Variants in CCDC191 observed in about 807,000 individuals in gnomAD.
The protein encoded by CCDC191 is coiled-coil domain containing 191.
CCDC191 carries 99 observed loss-of-function variants against 114.0 expected under a neutral mutation model. The ratio of observed to expected loss-of-function variants is 0.87; its 90% CI spans 0.74 to 1.03. CCDC191 has a LOEUF of 1.03. Among genes scored for constraint, CCDC191 ranks in the 50% least tolerant of loss-of-function variants. The pLI is 0.00. For missense variants in CCDC191, 973 were observed against 1,087.0 expected (o/e 0.90, Z 1.47); for synonymous variants, 351 against 376.0 (o/e 0.93, Z 0.77).
intron 13 of CCDC191, among the ~76,000 whole-genome samples, chr3:113,986,255 T>C (rs1415690991): frequency 6.6e-6 from 1 of 151,822 alleles, no homozygotes; most frequent in Non-Finnish European, 1.5e-5. Context: ...AACCTGACAA[T>C]AGGGCAATGG....
chr3:113,993,056 A>T (rs2075619521), intron 13 of CCDC191, among the ~76,000 whole-genome samples: 1 of 152,244 alleles, frequency 6.6e-6, no homozygotes, highest in South Asian at 2.1e-4. Flanking sequence ...GATAAAAGTA[A>T]TATGATCATC....
intron 2 of CCDC191, among the ~76,000 whole-genome samples, chr3:114,050,641 G>C (rs532837838): frequency 6.6e-6 from 1 of 152,288 alleles, no homozygotes; most frequent in Admixed American, 6.5e-5. Context: ...AGGAACACCT[G>C]TCTGATGGAG....
At chr3:114,054,775 T>C (rs765771138) in intron 1 of CCDC191, among the ~76,000 whole-genome samples, 1 of 152,274 alleles carries the variant, frequency 6.6e-6, no homozygotes, top group Non-Finnish European at 1.5e-5. Context: ...AATCTGAAAT[T>C]AGAAGTAAAA....
chr3:114,053,714 A>G, intron 1 of CCDC191, 79 bp from the exon 2 acceptor site: 3 of 896,136 alleles, frequency 3.3e-6, no homozygotes, highest in Non-Finnish European at 5.3e-6. Context: ...CCTTCTGACT[A>G]AAGCATATGG....
At position 114,047,369 on chromosome 3, in the gene CCDC191, C is replaced by T. The variant is rs115131781; in HGVS notation, c.130-637G>A. 3.7e-3 allele frequency among the ~76,000 whole-genome samples: 560 copies of T among 152,232 alleles called. 5 individuals are homozygous for T. Among genetic ancestry groups the T allele is most frequent in the East Asian group, 0.017 (87 of 5,174 alleles). On this transcript the variant is annotated intron_variant, in intron 2 of 16. Transcript: ENST00000295878. Reference sequence around the variant, plus strand: ...TTTATTTACCTGCACAGAATAAAAACGCTTATATTAGGCTGGGTGCAGTGG... The same window carrying T: ...TTTATTTACCTGCACAGAATAAAAATGCTTATATTAGGCTGGGTGCAGTGG...
At chr3:113,991,930 A>G (rs2075580891) in intron 13 of CCDC191, among the ~76,000 whole-genome samples, 1 of 152,222 alleles carries the variant, frequency 6.6e-6, no homozygotes, top group Non-Finnish European at 1.5e-5. Flanking sequence ...AAAATGCAGT[A>G]GTTAGGTACA....
intron 7 of CCDC191, 69 bp downstream of exon 7, chr3:114,031,557 C>T (rs1275233622): frequency 7.8e-7 from 1 of 1,283,466 alleles, no homozygotes; most frequent in African/African-American, 1.5e-5. Context: ...TTATTTTATC[C>T]CATCTCTGAT....
intron 7 of CCDC191, among the ~76,000 whole-genome samples, 186 bp downstream of exon 7, chr3:114,031,440 G>T (rs760055173): frequency 6.6e-6 from 1 of 152,200 alleles, no homozygotes; most frequent in Non-Finnish European, 1.5e-5. Flanking sequence ...AATAGCCTCA[G>T]AACAGGGGAT....
chr3:114,027,768 T>C (rs2076345710), intron 7 of CCDC191, among the ~76,000 whole-genome samples: 1 of 152,194 alleles, frequency 6.6e-6, no homozygotes, highest in African/African-American at 2.4e-5. Context: ...AGTGAAACAT[T>C]CTGAGGGTGC....
chr3:113,975,962 T>C (rs1283411632), intron 16 of CCDC191, among the ~76,000 whole-genome samples: 1 of 152,122 alleles, frequency 6.6e-6, no homozygotes, highest in Non-Finnish European at 1.5e-5. Flanking sequence ...TACTATTTTA[T>C]AGTCTAAAAA....
At chr3:114,005,022 A>C (rs1189014554) in intron 10 of CCDC191, among the ~76,000 whole-genome samples, 1 of 152,206 alleles carries the variant, frequency 6.6e-6, no homozygotes, top group Non-Finnish European at 1.5e-5. Context: ...TACCACATGC[A>C]ATGAGTATGT....
chr3:113,992,388 G>A (rs929960572), intron 13 of CCDC191, among the ~76,000 whole-genome samples: 2 of 152,164 alleles, frequency 1.3e-5, no homozygotes, highest in Middle Eastern at 3.2e-3. Context: ...TGAGTGGTTC[G>A]AGGAGGCTGG....
chr3:114,028,275 A>ATTTTTT (rs920211150), intron 7 of CCDC191, among the ~76,000 whole-genome samples: 19 of 126,864 alleles, frequency 1.5e-4, no homozygotes, highest in East Asian at 2.3e-4. Context: ...AATTCTAAAA[A>ATTTTTT]TTTTTTTTTT....
chr3:114,050,719 T>C (rs991339350), intron 2 of CCDC191, among the ~76,000 whole-genome samples: 1 of 152,182 alleles, frequency 6.6e-6, no homozygotes, highest in Non-Finnish European at 1.5e-5. Flanking sequence ...TAAATTGATA[T>C]TATAGGTTGA....
chr3:114,003,231 G>A, intron 11 of CCDC191: 2 of 985,346 alleles, frequency 2.0e-6, no homozygotes, highest in Non-Finnish European at 2.4e-6. Context: ...TAATCAGTTG[G>A]GGCTTTCATA....
chr3:114,056,401 CCGTTTCCAG>C lies in CCDC191; in HGVS notation c.57_65del (p.Trp20_Arg22del). 1 of 1,614,144 alleles carries C rather than the reference CCGTTTCCAG, an allele frequency of 6.2e-7. No homozygotes were observed. Among genetic ancestry groups the C allele is most frequent in the East Asian group, 2.2e-5 (1 of 44,876 alleles). On this transcript the variant is annotated inframe_deletion, in exon 1 of 17. Coordinates refer to ENST00000295878, the MANE Select transcript of CCDC191 (RefSeq NM_020817.2). ...CCTTGGGACTCGGCTTCCTTGTGAA[CCGTTTCCAG>C]CGATTCAGCCCCATCCTTTTCTTTG...
rs116699464 is a variant in CCDC191 at position 114,055,446 on chromosome 3, T to C, written c.90+931A>G. On this transcript the variant is annotated intron_variant, in intron 1 of 16. Transcript: ENST00000295878. ...GCTTCAGTCTGTGCCCTCTAGTATC[T>C]AGGGCAACATATTTGTCATGTGGAA... 4.6e-3 allele frequency among the ~76,000 whole-genome samples: 704 copies of C among 152,352 alleles called. 7 individuals are homozygous for C. The highest frequency in any genetic ancestry group is 0.016 in the African/African-American group (666 of 41,580).
chr3:113,967,980 AT>A (rs796458097), intron 16 of CCDC191, among the ~76,000 whole-genome samples: 13 of 152,244 alleles, frequency 8.5e-5, no homozygotes, highest in African/African-American at 3.1e-4. Context: ...ATTCTTTTTC[AT>A]TACTAATATT....
chr3:114,005,648 T>C lies in CCDC191; in HGVS notation c.1728A>G (p.Thr576=). The C allele has an allele frequency of 6.2e-7, 1 of 1,614,158 alleles. No homozygotes were observed. Among genetic ancestry groups the C allele is most frequent in the Non-Finnish European group, 8.5e-7 (1 of 1,180,000 alleles). The stretch of plus-strand genomic sequence containing the variant: ...GCAGGTTTTTCTTCAGCTCGAGAAT[T>C]GTTTTCTGCTGTTCCTGAAGTTTCT... ...QKKKLQEQQK[T]ILELKKNLQL... is the part of the protein sequence containing the mutation. Residue 576 remains threonine (T), a synonymous_variant, in exon 10 of 17, where the codon ACA becomes ACG. Coordinates refer to ENST00000295878, the MANE Select transcript of CCDC191 (RefSeq NM_020817.2).
Sources: allele counts gnomAD v4.1 joint callset (sites outside exome capture counted in the v4.1 genomes callset), GRCh38; gene constraint gnomAD v4.1.1; transcripts MANE v1.5; gene names NCBI Gene and HGNC (gene_info 2026-07-23, HGNC 2026-07-21).